Variants in ATRNL1 observed in about 807,000 individuals in gnomAD.
ATRNL1 encodes attractin-like protein 1.
ATRNL1 carries 95 observed loss-of-function variants against 182.7 expected under a neutral mutation model. That is an observed-to-expected ratio of 0.52 (90% confidence interval 0.44 to 0.62). ATRNL1 has a LOEUF of 0.62. Ranked by LOEUF, ATRNL1 falls within the 20% of genes least tolerant of loss-of-function variation. The pLI is 0.00. For synonymous variants in ATRNL1, 576 were observed against 568.3 expected (o/e 1.01, Z -0.19); for missense variants, 1,471 against 1,679.5 (o/e 0.88, Z 2.17).
chr10:115,333,242 T>C (rs1400624710), intron 18 of ATRNL1, among the ~76,000 whole-genome samples: 2 of 152,180 alleles, frequency 1.3e-5, no homozygotes, highest in Non-Finnish European at 2.9e-5. Flanking sequence ...ACTAAGTTAA[T>C]TTTATGTCCC....
chr10:115,813,156 C>T (rs1329976627), intron 27 of ATRNL1, among the ~76,000 whole-genome samples: 1 of 152,070 alleles, frequency 6.6e-6, no homozygotes, highest in Admixed American at 6.6e-5. Flanking sequence ...ATAGGTACAG[C>T]ACAACAACAT....
chr10:115,883,173 A>C (rs1379681077), intron 28 of ATRNL1, among the ~76,000 whole-genome samples: 1 of 152,204 alleles, frequency 6.6e-6, no homozygotes, highest in Non-Finnish European at 1.5e-5. Flanking sequence ...TCCAAGAACA[A>C]CATCCATGCA....
intron 24 of ATRNL1, among the ~76,000 whole-genome samples, chr10:115,496,050 G>T (rs1849535123): frequency 6.6e-6 from 1 of 152,030 alleles, no homozygotes; most frequent in African/African-American, 2.4e-5. Flanking sequence ...TTCTTTAATT[G>T]TAACCACTAC....
intron 7 of ATRNL1, among the ~76,000 whole-genome samples, chr10:115,168,943 T>C (rs1263982382): frequency 1.3e-5 from 2 of 151,760 alleles, no homozygotes; most frequent in Middle Eastern, 3.2e-3. Context: ...TTTTATAGTT[T>C]TGATTCTTGC....
At chr10:115,247,645 A>T (rs1184764204) in intron 10 of ATRNL1, among the ~76,000 whole-genome samples, 1 of 152,216 alleles carries the variant, frequency 6.6e-6, no homozygotes, top group East Asian at 1.9e-4. Context: ...TAGAACTATT[A>T]TACGATCCAG....
chr10:115,323,557 G>A (rs1421574742), intron 18 of ATRNL1, among the ~76,000 whole-genome samples: 3 of 151,116 alleles, frequency 2.0e-5, no homozygotes, highest in Admixed American at 6.6e-5. Context: ...CAATTCTCCT[G>A]CCTCAGCCTC....
chr10:115,173,867 G>A (rs1847388071), intron 8 of ATRNL1, among the ~76,000 whole-genome samples: 1 of 149,660 alleles, frequency 6.7e-6, no homozygotes, highest in East Asian at 1.9e-4. Context: ...TGTATTTCTT[G>A]CATACGAGAG....
At chr10:115,724,424 C>T (rs1947531949) in intron 26 of ATRNL1, among the ~76,000 whole-genome samples, 1 of 152,040 alleles carries the variant, frequency 6.6e-6, no homozygotes, top group Non-Finnish European at 1.5e-5. Context: ...AAAAATAGTG[C>T]TTGAAATTTA....
At chr10:115,899,060 A>T (rs1004256320) in intron 28 of ATRNL1, among the ~76,000 whole-genome samples, 22 of 151,634 alleles carry the variant, frequency 1.5e-4, no homozygotes, top group Admixed American at 5.2e-4. Context: ...TGCACCCATT[A>T]ACTCGTCATT....
At chr10:115,300,729 G>T (rs564332726) in intron 16 of ATRNL1, among the ~76,000 whole-genome samples, 5 of 152,206 alleles carry the variant, frequency 3.3e-5, no homozygotes, top group Non-Finnish European at 5.9e-5. Flanking sequence ...ATGGTAAAAT[G>T]TACTTAAAAT....
At chr10:115,924,887 T>C (rs1441199528) in intron 28 of ATRNL1, among the ~76,000 whole-genome samples, 2 of 152,248 alleles carry the variant, frequency 1.3e-5, no homozygotes, top group African/African-American at 4.8e-5. Context: ...GAACATGGAA[T>C]GTTTTTCCAT....
chr10:115,227,907 T>C (rs1324079763), intron 9 of ATRNL1, among the ~76,000 whole-genome samples: 2 of 152,154 alleles, frequency 1.3e-5, no homozygotes, highest in Non-Finnish European at 2.9e-5. Flanking sequence ...AATTATGGGC[T>C]TAGAAGTTAT....
At chr10:115,173,541 A>G (rs11197099) in intron 8 of ATRNL1, among the ~76,000 whole-genome samples, 1,692 of 151,878 alleles carry the variant, frequency 0.011, 24 homozygotes, top group East Asian at 0.074. Flanking sequence ...TTTGTTCTTG[A>G]TTTATCTTGC....
chr10:115,560,819 A>G (rs932552662), intron 26 of ATRNL1, among the ~76,000 whole-genome samples: 3 of 152,212 alleles, frequency 2.0e-5, no homozygotes, highest in Non-Finnish European at 4.4e-5. Context: ...TTGGATCCAT[A>G]GAATGTAACT....
chr10:115,766,887 C>T (rs1449358760), intron 27 of ATRNL1, among the ~76,000 whole-genome samples: 1 of 152,098 alleles, frequency 6.6e-6, no homozygotes, highest in Admixed American at 6.5e-5. Context: ...GCAGGCTCTC[C>T]TAATTACTAG....
At chr10:115,592,612 T>G (rs1410424139) in intron 26 of ATRNL1, among the ~76,000 whole-genome samples, 1 of 152,220 alleles carries the variant, frequency 6.6e-6, no homozygotes, top group East Asian at 1.9e-4. Context: ...TTCATGTAAG[T>G]GAACTCATAT....
At chr10:115,362,731 T>C (rs1856809435) in intron 19 of ATRNL1, among the ~76,000 whole-genome samples, 1 of 152,052 alleles carries the variant, frequency 6.6e-6, no homozygotes, top group African/African-American at 2.4e-5. Context: ...CCATGTGATC[T>C]CATTGTTCAA....
In ATRNL1 at chr10:115,655,893, A is replaced by C. The variant is rs190101805; in HGVS notation, c.3796-71355A>C. Among the ~76,000 whole-genome samples, 9 of 152,220 alleles carry C rather than the reference A, an allele frequency of 5.9e-5. No homozygotes were observed. The South Asian group carries it at 8.3e-4, about 14-fold the overall frequency. ...ATTTTATCCTTTGTCTACTGCAAAA[A>C]TTTCCTCCCCAAACTCCTACTTGCA... On this transcript the variant is annotated intron_variant, in intron 26 of 28. Transcript: ENST00000355044.
At chr10:115,934,776 C>A (rs535389233) in intron 28 of ATRNL1, among the ~76,000 whole-genome samples, 10 of 152,314 alleles carry the variant, frequency 6.6e-5, no homozygotes, top group African/African-American at 2.2e-4. Flanking sequence ...TTCCATGGCT[C>A]TTTCTGCCTT....
Sources: allele counts gnomAD v4.1 joint callset (sites outside exome capture counted in the v4.1 genomes callset), GRCh38; gene constraint gnomAD v4.1.1; transcripts MANE v1.5; gene names NCBI Gene and HGNC (gene_info 2026-07-23, HGNC 2026-07-21).